The following KSR2 variants were observed in gnomAD, a reference collection of about 807,000 sequenced individuals.
KSR2 encodes kinase suppressor of ras 2.
Under a neutral mutation model 107.8 loss-of-function variants are expected in KSR2, and 25 were observed. That is an observed-to-expected ratio of 0.23 (90% CI 0.17 to 0.32). The LOEUF (loss-of-function observed/expected upper bound fraction) is 0.32. Among genes scored for constraint, KSR2 ranks in the 10% least tolerant of loss-of-function variants. KSR2 has a pLI of 1.00. For synonymous variants in KSR2, 480 were observed against 507.0 expected, an observed-to-expected ratio of 0.95 and a Z score of 0.71; for missense variants, 887 against 1,268.9, an observed-to-expected ratio of 0.70 and a Z score of 4.57.
rs534000327 is a variant in KSR2, at chr12:117,610,797, C to T, written c.1172-28438G>A. On this transcript the variant is annotated intron_variant, in intron 5 of 19. Coordinates refer to ENST00000339824, the MANE Select transcript of KSR2 (RefSeq NM_173598.6). ...AATAAAACCCCCACACGCAGTATTCCGAATACATGTATAAGTAGGTAGGTA... is the reference window on the plus strand; with the variant it reads ...AATAAAACCCCCACACGCAGTATTCTGAATACATGTATAAGTAGGTAGGTA... 4.6e-5 allele frequency among the ~76,000 whole-genome samples: 7 copies of T among 150,772 alleles called. No individual in the cohort carries two copies. In the East Asian group the frequency reaches 7.8e-4, roughly 17 times the overall value.
chr12:117,803,243 C>T (rs1890895910), intron 3 of KSR2, among the ~76,000 whole-genome samples: 1 of 152,166 alleles, frequency 6.6e-6, no homozygotes, highest in African/African-American at 2.4e-5. Context: ...GGGGAAGGAA[C>T]ACAGCGTTCC....
Position 117,460,090 on chromosome 12 carries a change from C to T in KSR2, c.*7109G>A, listed in dbSNP as rs182792826. On this transcript the variant is annotated 3_prime_UTR_variant, in exon 20 of 20. Coordinates refer to ENST00000339824, the MANE Select transcript of KSR2 (RefSeq NM_173598.6). ...CTAAGCATTTCCAATGCATGCTTGTCCCAGGACCCTTTCAATAATGCAAAT... is the reference window on the plus strand; with the variant it reads ...CTAAGCATTTCCAATGCATGCTTGTTCCAGGACCCTTTCAATAATGCAAAT... The T allele has an allele frequency of 8.1e-4, 124 of 152,314 alleles. No individual in the cohort carries two copies. Among genetic ancestry groups the T allele is most frequent in the African/African-American group, 2.7e-3 (113 of 41,566 alleles). The allele number at this position is 152,314 out of a possible 1,614,324, so 9.4% of individuals were successfully genotyped here. A position where few individuals can be genotyped will look rare whatever the true frequency, so the allele number is the denominator to read the frequency against.
At chr12:117,763,180 GA>G in intron 3 of KSR2, among the ~76,000 whole-genome samples, 2 of 151,800 alleles carry the variant, frequency 1.3e-5, no homozygotes, top group Admixed American at 1.3e-4. Context: ...TGAGAATGAT[GA>G]TTTCCAATTT....
chr12:117,901,741 T>C (rs1307151561), intron 1 of KSR2, among the ~76,000 whole-genome samples: 4 of 152,190 alleles, frequency 2.6e-5, no homozygotes, highest in Non-Finnish European at 5.9e-5. Context: ...AGAACCGTCA[T>C]TTCCAGTCAG....
intron 5 of KSR2, among the ~76,000 whole-genome samples, chr12:117,666,888 C>T (rs1286106491): frequency 6.6e-6 from 1 of 152,158 alleles, no homozygotes; most frequent in African/African-American, 2.4e-5. Flanking sequence ...CCTCCATCAC[C>T]AAAAAGTTCC....
At chr12:117,758,443 C>T (rs558651319) in intron 4 of KSR2, among the ~76,000 whole-genome samples, 1 of 152,156 alleles carries the variant, frequency 6.6e-6, no homozygotes. Flanking sequence ...TTTTCCACAT[C>T]ACCAAACTGA....
chr12:117,785,014 G>C (rs746695985), intron 3 of KSR2, among the ~76,000 whole-genome samples: 1 of 152,172 alleles, frequency 6.6e-6, no homozygotes, highest in African/African-American at 2.4e-5. Context: ...ATATTCTCCA[G>C]AAGGAAACCC....
chr12:117,645,665 G>C (rs1421770975), intron 5 of KSR2, among the ~76,000 whole-genome samples: 1 of 152,156 alleles, frequency 6.6e-6, no homozygotes, highest in Non-Finnish European at 1.5e-5. Context: ...ATCTCTAACT[G>C]TTTGGAAGGG....
At chr12:117,604,723 A>G (rs1881137083) in intron 5 of KSR2, among the ~76,000 whole-genome samples, 1 of 152,148 alleles carries the variant, frequency 6.6e-6, no homozygotes, top group African/African-American at 2.4e-5. Context: ...ATAATATATA[A>G]AAATTGCAGT....
chr12:117,818,365 G>A (rs1038248114), intron 3 of KSR2, among the ~76,000 whole-genome samples: 1 of 152,072 alleles, frequency 6.6e-6, no homozygotes, highest in Non-Finnish European at 1.5e-5. Context: ...TGTGGCCTAG[G>A]GCACGTTGTG....
At chr12:117,816,447 T>C (rs75276156) in intron 3 of KSR2, among the ~76,000 whole-genome samples, 6,911 of 152,222 alleles carry the variant, frequency 0.045, 212 homozygotes, top group East Asian at 0.09. Context: ...TTCCACAGCA[T>C]AAGAAAAAGG....
intron 4 of KSR2, among the ~76,000 whole-genome samples, chr12:117,722,467 A>G (rs909338661): frequency 1.3e-5 from 2 of 152,204 alleles, no homozygotes; most frequent in Non-Finnish European, 2.9e-5. Flanking sequence ...ATAAAACAGG[A>G]TGCAGTAAAC....
chr12:117,471,081 G>T, intron 18 of KSR2, 110 bp downstream of exon 18: 1 of 1,342,856 alleles, frequency 7.4e-7, no homozygotes, highest in Admixed American at 2.7e-5. Flanking sequence ...TATTTTTTTG[G>T]TCACCCTATG....
At chr12:117,500,740 C>T (rs898145501) in intron 14 of KSR2, among the ~76,000 whole-genome samples, 3 of 152,208 alleles carry the variant, frequency 2.0e-5, no homozygotes, top group South Asian at 2.1e-4. Context: ...TTCATCCTCC[C>T]GTCCCTCCAA....
chr12:117,610,195 T>A (rs940543729), intron 5 of KSR2, among the ~76,000 whole-genome samples: 2 of 152,210 alleles, frequency 1.3e-5, no homozygotes, highest in Admixed American at 6.5e-5. Flanking sequence ...TTTTATAGGA[T>A]AATTTGGCAA....
At chr12:117,512,341 A>C (rs556292996) in intron 14 of KSR2, among the ~76,000 whole-genome samples, 1 of 152,096 alleles carries the variant, frequency 6.6e-6, no homozygotes, top group Admixed American at 6.5e-5. Context: ...TCTTGTTCCT[A>C]TCAGTCTTCC....
At chr12:117,717,201 AATTGCAC>A (rs1368986156) in intron 4 of KSR2, among the ~76,000 whole-genome samples, 1 of 152,224 alleles carries the variant, frequency 6.6e-6, no homozygotes, top group Non-Finnish European at 1.5e-5. Flanking sequence ...CTTGTCTTAT[AATTGCAC>A]ATTGCCAGCT....
chr12:117,936,527 TTATTATTAGTAG>T (rs752404831), intron 1 of KSR2, among the ~76,000 whole-genome samples: 13,259 of 119,088 alleles, frequency 0.11, 639 homozygotes, highest in East Asian at 0.18. Context: ...ATTATTATTA[TTATTATTAGTAG>T]TAGTAGTAGT....
At chr12:117,648,143 A>G (rs1883734588) in intron 5 of KSR2, among the ~76,000 whole-genome samples, 1 of 152,212 alleles carries the variant, frequency 6.6e-6, no homozygotes. Flanking sequence ...TTTTATAAAA[A>G]ACATTTTACT....
Sources: gnomAD v4.1 joint callset for allele counts (sites outside exome capture counted in the v4.1 genomes callset) on GRCh38, gnomAD v4.1.1 for gene constraint, MANE v1.5 for transcripts, NCBI Gene and HGNC (gene_info 2026-07-23, HGNC 2026-07-21) for gene names.